The following PTPRS variants were observed in gnomAD, a reference collection of about 807,000 sequenced individuals.
The protein encoded by PTPRS is receptor-type tyrosine-protein phosphatase S.
In PTPRS, 63 loss-of-function variants were observed where a neutral mutation model predicts 215.3. That is an observed-to-expected ratio of 0.29 (90% CI 0.24 to 0.36). PTPRS has a LOEUF of 0.36. Ranked by LOEUF, PTPRS falls within the 10% of genes least tolerant of loss-of-function variation. The pLI, the probability that PTPRS is intolerant of heterozygous loss-of-function variation, is 1.00. For synonymous variants in PTPRS, 1,404 were observed against 1,191.4 expected (o/e 1.18, Z -3.68); for missense variants, 2,258 against 2,825.8 (o/e 0.80, Z 4.56).
chr19:5,216,476 T>C (rs2041465666), intron 26 of PTPRS, among the ~76,000 whole-genome samples: 1 of 151,984 alleles, frequency 6.6e-6, no homozygotes, highest in Non-Finnish European at 1.5e-5. Flanking sequence ...CCTGGGTACA[T>C]ACGTGCCTCA....
At chr19:5,218,932 A>ATATGAGCACCATTTTCCAG in intron 23 of PTPRS, 134 bp from the exon 24 acceptor site, 1 of 943,856 alleles carries the variant, frequency 1.1e-6, no homozygotes, top group Non-Finnish European at 1.6e-6. Flanking sequence ...TCCTCTGGAA[A>ATATGAGCACCATTTTCCAG]ATGGTGCTCA....
intron 3 of PTPRS, among the ~76,000 whole-genome samples, chr19:5,273,851 G>A (rs962649517): frequency 6.6e-6 from 1 of 152,208 alleles, no homozygotes; most frequent in Non-Finnish European, 1.5e-5. Flanking sequence ...CCATGTGACA[G>A]GCATGCAAAG....
chr19:5,219,395 C>T lies in PTPRS; in HGVS notation c.3838G>A (p.Glu1280Lys), dbSNP rs757905971. ...NPDPQPIVDG[E>K]EGLIWVIGPV... The stretch of plus-strand genomic sequence containing the variant: ...CCGATCACCCAGATAAGCCCCTCCT[C>T]GCCATCCACGATGGGCTGGGGGTCC... Residue 1280 changes from glutamate (E) to lysine (K), a missense_variant, in exon 23 of 38, where the codon GAG (glutamate) becomes AAG (lysine). Physicochemically the swap from Glu to Lys is moderately conservative, Grantham distance 56. This residue lies in a region of PTPRS where 927 missense variants were observed against 1,125.9 expected (regional missense o/e 0.82). Coordinates refer to ENST00000262963, the MANE Select transcript of PTPRS (RefSeq NM_002850.4). 3 of 1,613,708 alleles carry T rather than the reference C, an allele frequency of 1.9e-6. No individual in the cohort carries two copies. Among genetic ancestry groups the T allele is most frequent in the East Asian group, 2.2e-5 (1 of 44,862 alleles).
rs748445085 is a variant in PTPRS at position 5,287,042 on chromosome 19, C to T, written c.-94-808G>A. The stretch of plus-strand genomic sequence containing the variant: ...CTTCCACACACCTGCCTGTCCCTGC[C>T]CTGCTCTAAGACCTCCCATGGCTCC... On this transcript the variant is annotated intron_variant, in intron 1 of 37. Transcript: ENST00000262963. The surrounding 1 kb of genome is among the most constrained non-coding windows in gnomAD (Gnocchi z 4.8). 1.3e-4 allele frequency among the ~76,000 whole-genome samples: 20 copies of T among 152,156 alleles called. No individual in the cohort carries two copies. Among genetic ancestry groups the T allele is most frequent in the Non-Finnish European group, 2.4e-4 (16 of 68,030 alleles).
intron 1 of PTPRS, among the ~76,000 whole-genome samples, chr19:5,288,833 A>T (rs2048577141): frequency 1.3e-5 from 2 of 152,174 alleles, no homozygotes; most frequent in Admixed American, 1.3e-4. Flanking sequence ...CCACCTTCTA[A>T]ACCAGGCAGC....
At chr19:5,248,212 G>A (rs2044680536) in intron 9 of PTPRS, among the ~76,000 whole-genome samples, 2 of 152,106 alleles carry the variant, frequency 1.3e-5, no homozygotes, top group Non-Finnish European at 2.9e-5. Flanking sequence ...GGAAATGAGC[G>A]TGGGGGGAGC....
intron 4 of PTPRS, among the ~76,000 whole-genome samples, chr19:5,271,046 C>T (rs1003320485): frequency 6.6e-6 from 1 of 152,166 alleles, no homozygotes; most frequent in African/African-American, 2.4e-5. Flanking sequence ...GCTGTGATAA[C>T]CCCTCCCAGG....
chr19:5,316,229 T>C (rs575444299), intron 1 of PTPRS, among the ~76,000 whole-genome samples: 1 of 151,894 alleles, frequency 6.6e-6, no homozygotes, highest in African/African-American at 2.4e-5. Flanking sequence ...TTTTTAATAC[T>C]CTTTTGGACA....
chr19:5,328,836 G>T (rs540720614), intron 1 of PTPRS, among the ~76,000 whole-genome samples: 6 of 152,138 alleles, frequency 3.9e-5, no homozygotes, highest in Non-Finnish European at 7.4e-5. Flanking sequence ...GGTCACTGTG[G>T]CTGCCTCTCC....
intron 11 of PTPRS, among the ~76,000 whole-genome samples, chr19:5,243,088 G>A (rs987971505): frequency 6.6e-6 from 1 of 151,784 alleles, no homozygotes; most frequent in Non-Finnish European, 1.5e-5. Flanking sequence ...TGAGTAGCTG[G>A]GACTACAGGC....
chr19:5,300,785 A>G (rs2049280096), intron 1 of PTPRS, among the ~76,000 whole-genome samples: 1 of 145,612 alleles, frequency 6.9e-6, no homozygotes, highest in Admixed American at 6.9e-5. Context: ...AAAAAAAAAA[A>G]GAAAAGAAAA....
At chr19:5,332,023 C>A (rs995952876) in intron 1 of PTPRS, among the ~76,000 whole-genome samples, 8 of 152,072 alleles carry the variant, frequency 5.3e-5, no homozygotes, top group Admixed American at 2.0e-4. Flanking sequence ...TGTCAGAAGT[C>A]ACGCAACTTT....
At chr19:5,301,544 G>C (rs2049304617) in intron 1 of PTPRS, among the ~76,000 whole-genome samples, 1 of 151,862 alleles carries the variant, frequency 6.6e-6, no homozygotes, top group Admixed American at 6.6e-5. Context: ...TTGAACTCCT[G>C]ACCTCAGGTG....
intron 1 of PTPRS, among the ~76,000 whole-genome samples, chr19:5,325,096 G>A (rs2050134749): frequency 6.6e-6 from 1 of 152,204 alleles, no homozygotes; most frequent in African/African-American, 2.4e-5. Flanking sequence ...CTGGGGCCCA[G>A]GCCCCTTCCA....
At chr19:5,297,831 C>A (rs1375915272) in intron 1 of PTPRS, among the ~76,000 whole-genome samples, 3 of 143,084 alleles carry the variant, frequency 2.1e-5, no homozygotes, top group African/African-American at 7.7e-5. Context: ...CTCGTTCCAT[C>A]GCCCAGGCTG....
chr19:5,240,042 A>G (rs1054850421), intron 12 of PTPRS, among the ~76,000 whole-genome samples, 157 bp downstream of exon 12: 2 of 152,220 alleles, frequency 1.3e-5, no homozygotes. Flanking sequence ...GAGGAAAGGC[A>G]CAAAGGGACA....
intron 1 of PTPRS, among the ~76,000 whole-genome samples, chr19:5,317,407 G>A (rs2049906958): frequency 6.6e-6 from 1 of 152,194 alleles, no homozygotes; most frequent in Admixed American, 6.5e-5. Flanking sequence ...GGGAGGTGGA[G>A]GTTGCAGTGA....
rs143267172 is a variant in PTPRS at position 5,321,320 on chromosome 19, G to C, written c.-95+19344C>G. Among the ~76,000 whole-genome samples the C allele has an allele frequency of 3.1e-3, 468 of 152,262 alleles. 3 individuals carry two copies. The highest frequency in any genetic ancestry group is 0.01 in the African/African-American group (429 of 41,552). On this transcript the variant is annotated intron_variant, in intron 1 of 37. Coordinates refer to ENST00000262963, the MANE Select transcript of PTPRS (RefSeq NM_002850.4). ...AAATCAAGGTAACAGGGAAATGTGAGTCACGTCTACGGAGCATTCCGACCT... is the reference window on the plus strand; with the variant it reads ...AAATCAAGGTAACAGGGAAATGTGACTCACGTCTACGGAGCATTCCGACCT...
chr19:5,268,855 C>G (rs978576405), intron 4 of PTPRS, among the ~76,000 whole-genome samples: 2 of 152,230 alleles, frequency 1.3e-5, no homozygotes, highest in African/African-American at 4.8e-5. Flanking sequence ...GCAGGACCGG[C>G]TGCAAAAGCC....
Sources: gnomAD v4.1 joint callset for allele counts (sites outside exome capture counted in the v4.1 genomes callset) on GRCh38, gnomAD v4.1.1 for gene constraint, gnomAD v4.1.1 regional missense constraint, Gnocchi (gnomAD v3.1) non-coding constraint, MANE v1.5 for transcripts, NCBI Gene and HGNC (gene_info 2026-07-23, HGNC 2026-07-21) for gene names.